The following RBM28 variants were observed in gnomAD, a reference collection of about 807,000 sequenced individuals.
The protein encoded by RBM28 is RNA-binding protein 28.
Under a neutral mutation model 98.3 loss-of-function variants are expected in RBM28, and 78 were observed. The observed-to-expected ratio is 0.79, with a 90% CI of 0.66 to 0.96. The LOEUF (loss-of-function observed/expected upper bound fraction) is 0.96, where lower values mean the gene tolerates loss of function less well. Among genes scored for constraint, RBM28 ranks in the 40% least tolerant of loss-of-function variants. The pLI is 0.00. For synonymous variants in RBM28, 306 were observed against 330.9 expected, an observed-to-expected ratio of 0.92 and a Z score of 0.82; for missense variants, 838 against 913.0, an observed-to-expected ratio of 0.92 and a Z score of 1.06.
chr7:128,317,544 C>T (rs1796130639), intron 16 of RBM28, 115 bp downstream of exon 16: 1 of 791,040 alleles, frequency 1.3e-6, no homozygotes, highest in African/African-American at 1.7e-5. Context: ...GTAAAGGGAA[C>T]TAGGAGCAAA....
At chr7:128,322,682 A>AC (rs1416865538) in intron 13 of RBM28, among the ~76,000 whole-genome samples, 1 of 152,218 alleles carries the variant, frequency 6.6e-6, no homozygotes, top group Non-Finnish European at 1.5e-5. Context: ...CTGTGATCAG[A>AC]CAAGGGTATA....
intron 5 of RBM28, among the ~76,000 whole-genome samples, chr7:128,337,697 A>G (rs897184903): frequency 1.3e-5 from 2 of 151,520 alleles, no homozygotes; most frequent in Non-Finnish European, 2.9e-5. Context: ...AGCTGGGATT[A>G]CAAGCATGCA....
intron 10 of RBM28, among the ~76,000 whole-genome samples, chr7:128,329,617 C>A (rs896384799): frequency 6.6e-6 from 1 of 151,904 alleles, no homozygotes; most frequent in East Asian, 1.9e-4. Flanking sequence ...AACTTAACGC[C>A]GGGCGCGCCT....
Position 128,310,574 on chromosome 7 carries a change from A to C in RBM28, c.*223T>G, listed in dbSNP as rs1044173144. 2.0e-5 allele frequency: 12 copies of C among 587,582 alleles called. No homozygotes were observed. Among genetic ancestry groups the C allele is most frequent in the African/African-American group, 1.1e-4 (6 of 53,800 alleles). The allele number at this position is 587,582 out of a possible 1,614,324, so 36.4% of individuals were successfully genotyped here. A position where few individuals can be genotyped will look rare whatever the true frequency, so the allele number is the denominator to read the frequency against. ...ACAATAATCTGGATAATATGCAAGA[A>C]GCATCATGTTGACTTTCAGATATTT... is the stretch of plus-strand genomic sequence containing the variant. On this transcript the variant is annotated 3_prime_UTR_variant, in exon 19 of 19. Transcript: ENST00000223073.
chr7:128,326,408 G>A (rs746296240), intron 10 of RBM28, among the ~76,000 whole-genome samples: 1 of 151,534 alleles, frequency 6.6e-6, no homozygotes, highest in Non-Finnish European at 1.5e-5. Context: ...CAATGGATCT[G>A]CCCTATACAG....
intron 12 of RBM28, among the ~76,000 whole-genome samples, chr7:128,324,177 A>G (rs757221370): frequency 5.3e-5 from 8 of 152,230 alleles, no homozygotes; most frequent in Non-Finnish European, 8.8e-5. Context: ...CTGACACTAA[A>G]GGAAAGTATT....
chr7:128,321,063 G>T (rs2116340462), intron 14 of RBM28, among the ~76,000 whole-genome samples: 1 of 152,362 alleles, frequency 6.6e-6, no homozygotes, highest in East Asian at 1.9e-4. Context: ...CTATTCAGGG[G>T]GCTGAGGCAG....
chr7:128,306,415 G>GCCCA lies in RBM28; in HGVS notation c.*4378_*4381dup, dbSNP rs1164407205. 1 of 152,216 alleles carries GCCCA rather than the reference G, an allele frequency of 6.6e-6. No individual in the cohort carries two copies. The highest frequency in any genetic ancestry group is 1.5e-5 in the Non-Finnish European group (1 of 68,054). The allele number at this position is 152,216 out of a possible 1,614,324, so 9.4% of individuals were successfully genotyped here. A position where few individuals can be genotyped will look rare whatever the true frequency, so the allele number is the denominator to read the frequency against. On this transcript the variant is annotated 3_prime_UTR_variant, in exon 19 of 19. Transcript: ENST00000223073. ...GAAATGACTCTGTTGTCCTTCACAA[G>GCCCA]CCCAGCTAGGCCCTGGAACAAATGG...
chr7:128,324,839 C>T (rs1435670214), intron 11 of RBM28, 145 bp from the exon 12 acceptor site: 3 of 1,105,588 alleles, frequency 2.7e-6, no homozygotes, highest in Non-Finnish European at 4.1e-6. Flanking sequence ...CATGGTGAAA[C>T]CTCGTCTCTA....
At chr7:128,339,118 G>C (rs1796665726) in intron 3 of RBM28, 109 bp downstream of exon 3, 1 of 1,041,854 alleles carries the variant, frequency 9.6e-7, no homozygotes, top group Non-Finnish European at 1.5e-6. Context: ...TTGATTCCCA[G>C]AAGGAATTAA....
rs1795814357 is a variant in RBM28, at chr7:128,303,880, CCTACAGCAAAG to C, written c.*6906_*6916del. The C allele has an allele frequency of 1.3e-5, 2 of 152,122 alleles. No homozygotes were observed. Among genetic ancestry groups the C allele is most frequent in the African/African-American group, 4.8e-5 (2 of 41,402 alleles). The allele number at this position is 152,122 out of a possible 1,614,324, so 9.4% of individuals were successfully genotyped here. ...GAAGCTACCCATGAAAGGCCAAGGG[CCTACAGCAAAG>C]CTCCCATGACTGGAAAGTATTTAAG... is the stretch of plus-strand genomic sequence containing the variant. On this transcript the variant is annotated 3_prime_UTR_variant, in exon 19 of 19. Transcript: ENST00000223073.
intron 9 of RBM28, 65 bp from the exon 10 acceptor site, chr7:128,330,993 G>A: frequency 9.3e-7 from 1 of 1,077,732 alleles, no homozygotes; most frequent in Non-Finnish European, 1.4e-6. Flanking sequence ...TATGTTCCAG[G>A]ACAATGTAAG....
chr7:128,328,795 A>T (rs1796408686), intron 10 of RBM28, among the ~76,000 whole-genome samples: 1 of 152,230 alleles, frequency 6.6e-6, no homozygotes, highest in Non-Finnish European at 1.5e-5. Context: ...AGCTGCAGGT[A>T]CCTTAAGTGA....
At position 128,330,605 on chromosome 7, in the gene RBM28, C is replaced by T. The variant is rs1286555150; in HGVS notation, c.1129+214G>A. On this transcript the variant is annotated intron_variant, in intron 10 of 18. Coordinates refer to ENST00000223073, the MANE Select transcript of RBM28 (RefSeq NM_018077.3). Reference sequence around the variant, plus strand: ...CAGGCTGGTCTCAAACTCCTGAGCTCAGGCAATCTGCCTGCCTCAGCCTCC... The same window carrying T: ...CAGGCTGGTCTCAAACTCCTGAGCTTAGGCAATCTGCCTGCCTCAGCCTCC... Among the ~76,000 whole-genome samples, 4 of 152,058 alleles carry T rather than the reference C, an allele frequency of 2.6e-5. No individual in the cohort carries two copies. In the East Asian group the frequency reaches 7.7e-4, roughly 29 times the overall value.
chr7:128,343,718 G>C lies in RBM28; in HGVS notation c.76C>G (p.Gln26Glu). The C allele has an allele frequency of 6.2e-7, 1 of 1,611,852 alleles. No homozygotes were observed. Among genetic ancestry groups the C allele is most frequent in the Middle Eastern group, 1.7e-4 (1 of 6,054 alleles). ...RSEQLEELFS[Q>E]VGPVKQCFVV... ...AAGCACTGCTTCACCGGCCCCACCT[G>C]ACTGAACAGTTCCTCCAGCTGCTCA... Residue 26 changes from glutamine to glutamate, a missense_variant, in exon 1 of 19, where the codon CAG (glutamine) becomes GAG (glutamate). Transcript: ENST00000223073.
At chr7:128,325,950 A>C in intron 10 of RBM28, 59 bp from the exon 11 acceptor site, 2 of 1,351,226 alleles carry the variant, frequency 1.5e-6, no homozygotes, top group Non-Finnish European at 2.1e-6. Flanking sequence ...ACCAAAGACA[A>C]CATTGCAAAT....
At position 128,310,909 on chromosome 7, in the gene RBM28, C is replaced by T; in HGVS notation, c.2168G>A (p.Gly723Glu). 6.2e-7 allele frequency: 1 copy of T among 1,613,534 alleles called. No homozygotes were observed. Among genetic ancestry groups the T allele is most frequent in the Middle Eastern group, 1.6e-4 (1 of 6,062 alleles). Residue 723 changes from glycine to glutamate, a missense_variant, in exon 19 of 19, where the codon GGA becomes GAA. Transcript: ENST00000223073. Reference protein sequence around the residue: ...SEQVSRKKAKGNKTETRFNQL... With the variant: ...SEQVSRKKAKENKTETRFNQL... ...GTTGAAGCGGGTTTCCGTCTTATTT[C>T]CCTTAGCTTTTTTCCTAGATACCTA...
At chr7:128,313,357 C>G (rs766159476) in intron 17 of RBM28, 83 bp from the exon 18 acceptor site, 70 of 1,311,516 alleles carry the variant, frequency 5.3e-5, no homozygotes, top group Non-Finnish European at 7.6e-5. Flanking sequence ...TGGCCCTTCC[C>G]AAGCCCATGA....
At position 128,343,834 on chromosome 7, in the gene RBM28, T is replaced by C. The variant is rs759951180; in HGVS notation, c.-41A>G. 2.9e-5 allele frequency: 42 copies of C among 1,436,100 alleles called. No homozygotes were observed. Among genetic ancestry groups the C allele is most frequent in the East Asian group, 5.2e-5 (2 of 38,120 alleles). The allele number at this position is 1,436,100 out of a possible 1,614,324, so 89.0% of individuals were successfully genotyped here. A position where few individuals can be genotyped will look rare whatever the true frequency, so the allele number is the denominator to read the frequency against. ...AAAGCGCGTGAGGACGCGAGCAAAC[T>C]AGGCCGGCGCACGCGAGCCGAAACG... On this transcript the variant is annotated 5_prime_UTR_variant, in exon 1 of 19. Coordinates refer to ENST00000223073, the MANE Select transcript of RBM28 (RefSeq NM_018077.3).
Sources: gnomAD v4.1 joint callset for allele counts (sites outside exome capture counted in the v4.1 genomes callset) on GRCh38, gnomAD v4.1.1 for gene constraint, MANE v1.5 for transcripts, NCBI Gene and HGNC (gene_info 2026-07-23, HGNC 2026-07-21) for gene names.